Variants in PADI2 observed in about 807,000 individuals in gnomAD.
PADI2 encodes the protein protein-arginine deiminase type-2.
Under a neutral mutation model 81.1 loss-of-function variants are expected in PADI2, and 70 were observed. The observed-to-expected ratio is 0.86, with a 90% CI of 0.71 to 1.05. The LOEUF (loss-of-function observed/expected upper bound fraction) is 1.05. Ranked by LOEUF, PADI2 falls within the 50% of genes least tolerant of loss-of-function variation. The probability of loss-of-function intolerance (pLI) is 0.00; values close to 1 mark genes in which losing one functional copy is unlikely to be tolerated. For synonymous variants in PADI2, 338 were observed against 358.0 expected, an observed-to-expected ratio of 0.94 and a Z score of 0.63; for missense variants, 853 against 889.9, an observed-to-expected ratio of 0.96 and a Z score of 0.53.
intron 7 of PADI2, 143 bp from the exon 8 acceptor site, chr1:17,084,845 C>G: frequency 1.7e-6 from 1 of 584,376 alleles, no homozygotes; most frequent in Non-Finnish European, 3.1e-6. Flanking sequence ...TAAGTACTTT[C>G]ACATGTGCCA....
At chr1:17,076,540 G>T (rs919251571) in intron 11 of PADI2, among the ~76,000 whole-genome samples, 1 of 151,836 alleles carries the variant, frequency 6.6e-6, no homozygotes, top group Non-Finnish European at 1.5e-5. Context: ...CAGTTCAAGA[G>T]AAACCTCCTC....
intron 1 of PADI2, among the ~76,000 whole-genome samples, chr1:17,111,713 G>A (rs958791827): frequency 6.6e-6 from 1 of 152,208 alleles, no homozygotes; most frequent in African/African-American, 2.4e-5. Context: ...TGTGGGGTGG[G>A]ACCTGAGAAA....
intron 11 of PADI2, among the ~76,000 whole-genome samples, chr1:17,076,434 T>C (rs988288790): frequency 6.6e-5 from 10 of 152,176 alleles, no homozygotes; most frequent in African/African-American, 2.4e-4. Context: ...AAGCTGGTCT[T>C]GAACTCCTGA....
rs998362703 is a variant in PADI2, at chr1:17,091,410, C to T, written c.655+998G>A. The stretch of plus-strand genomic sequence containing the variant: ...TAAAACACATACATCATTATTATGA[C>T]AGTCCCTTGCATAAAACCCTCTAAT... On this transcript the variant is annotated intron_variant, in intron 6 of 15. Transcript: ENST00000375486. 2.6e-5 allele frequency among the ~76,000 whole-genome samples: 4 copies of T among 151,850 alleles called. No individual in the cohort carries two copies. The South Asian group carries it at 8.3e-4, about 32-fold the overall frequency.
At chr1:17,078,400 C>T (rs894665461) in intron 11 of PADI2, among the ~76,000 whole-genome samples, 2 of 151,066 alleles carry the variant, frequency 1.3e-5, no homozygotes, top group African/African-American at 2.4e-5. Flanking sequence ...CGTGAGCCAC[C>T]GCACCAGGCC....
At chr1:17,102,880 A>G (rs1569578869) in intron 3 of PADI2, 107 bp downstream of exon 3, 1 of 778,154 alleles carries the variant, frequency 1.3e-6, no homozygotes. Flanking sequence ...AAGAAGCTCC[A>G]AGTGCCAGGT....
Position 17,088,134 on chromosome 1 carries a change from G to T in PADI2, c.656-1435C>A, listed in dbSNP as rs142160434. On this transcript the variant is annotated intron_variant, in intron 6 of 15. Coordinates refer to ENST00000375486, the MANE Select transcript of PADI2 (RefSeq NM_007365.3). The stretch of plus-strand genomic sequence containing the variant: ...GATCCAGTCTGGTTACTTGGGGTAG[G>T]GTGGGGAGGGCAGAAGAGGCACGGT... Among the ~76,000 whole-genome samples, 470 of 152,324 alleles carry T rather than the reference G, an allele frequency of 3.1e-3. 2 individuals carry two copies. The highest frequency in any genetic ancestry group is 0.011 in the African/African-American group (450 of 41,560).
At chr1:17,081,666 C>G (rs993856966) in intron 10 of PADI2, among the ~76,000 whole-genome samples, 2 of 152,240 alleles carry the variant, frequency 1.3e-5, no homozygotes, top group African/African-American at 4.8e-5. Context: ...CTCCCCCAGC[C>G]TGTTCAGGGC....
chr1:17,104,777 A>T, intron 2 of PADI2, 101 bp downstream of exon 2: 2 of 1,030,480 alleles, frequency 1.9e-6, no homozygotes, highest in African/African-American at 1.6e-5. Flanking sequence ...TGAAAATGAC[A>T]CATGGCCCAC....
At position 17,078,669 on chromosome 1, in the gene PADI2, T is replaced by C. The variant is rs1337493629; in HGVS notation, c.1310+595A>G. ...TCCCAAAGTGCTGGGACTATAGGCA[T>C]GGGCCACTGTGCCCAGCCTATTTAT... On this transcript the variant is annotated intron_variant, in intron 11 of 15. Transcript: ENST00000375486. 1.3e-5 allele frequency among the ~76,000 whole-genome samples: 2 copies of C among 151,998 alleles called. 1 individual carries two copies. The highest frequency in any genetic ancestry group is 2.9e-5 in the Non-Finnish European group (2 of 67,978).
At chr1:17,105,817 G>C (rs1426476267) in intron 1 of PADI2, among the ~76,000 whole-genome samples, 1 of 152,206 alleles carries the variant, frequency 6.6e-6, no homozygotes. Context: ...GAGGACATCT[G>C]TTGAACATGA....
At chr1:17,076,218 T>A (rs1004735091) in intron 11 of PADI2, among the ~76,000 whole-genome samples, 2 of 149,382 alleles carry the variant, frequency 1.3e-5, no homozygotes, top group African/African-American at 4.9e-5. Context: ...TACTTTAATC[T>A]TTTTTTTTTC....
Position 17,115,929 on chromosome 1 carries a change from G to A in PADI2, c.92+3351C>T, listed in dbSNP as rs1248989606. ...GAGACTAGCAGTCAGAATGAGGCTA[G>A]GTCAAGGCATCCATCCCCAGGGGGG... On this transcript the variant is annotated intron_variant, in intron 1 of 15. Transcript: ENST00000375486. The surrounding 1 kb of genome is among the most constrained non-coding windows in gnomAD (Gnocchi z 4.1). Among the ~76,000 whole-genome samples, 2 of 152,220 alleles carry A rather than the reference G, an allele frequency of 1.3e-5. No homozygotes were observed. Among genetic ancestry groups the A allele is most frequent in the African/African-American group, 4.8e-5 (2 of 41,450 alleles).
At chr1:17,089,981 G>A (rs768941690) in intron 6 of PADI2, among the ~76,000 whole-genome samples, 1 of 152,210 alleles carries the variant, frequency 6.6e-6, no homozygotes, top group East Asian at 1.9e-4. Context: ...TTCCTGGCAT[G>A]AGGAGCCCTC....
rs1557761629 is a variant in PADI2, at chr1:17,082,618, T to C, written c.1085A>G (p.His362Arg). 3 of 1,611,242 alleles carry C rather than the reference T, an allele frequency of 1.9e-6. No individual in the cohort carries two copies. The highest frequency in any genetic ancestry group is 3.4e-5 in the Admixed American group (2 of 59,144). ...EIEFGYIEAPHKGFPVVLDSP... is the reference protein window; with the variant it reads ...EIEFGYIEAPRKGFPVVLDSP... ...GTCCAGCACCACGGGGAAGCCTTTA[T>C]GGGGGGCCTCGATGTAGCCAAACTC... The change falls in exon 10 of 16, where the codon CAT becomes CGT. Residue 362 changes from histidine to arginine, a missense_variant. Physicochemically the swap from His to Arg is conservative, Grantham distance 29 (BLOSUM62 0). Transcript: ENST00000375486.
intron 1 of PADI2, among the ~76,000 whole-genome samples, chr1:17,105,296 G>A (rs1407065532): frequency 6.6e-6 from 1 of 152,056 alleles, no homozygotes; most frequent in Non-Finnish European, 1.5e-5. Flanking sequence ...AGACTGAGGT[G>A]GGAGAATTGC....
chr1:17,075,993 T>C (rs2078299779), intron 11 of PADI2, among the ~76,000 whole-genome samples, 170 bp from the exon 12 acceptor site: 1 of 152,056 alleles, frequency 6.6e-6, no homozygotes, highest in Admixed American at 6.5e-5. Context: ...AGTAAGGCGT[T>C]TGAGTCCCAG....
intron 2 of PADI2, 62 bp downstream of exon 2, chr1:17,104,816 C>T (rs900052131): frequency 2.1e-6 from 3 of 1,396,722 alleles, no homozygotes; most frequent in Admixed American, 2.1e-5. Flanking sequence ...AGGGCTGGTC[C>T]ACCCTGCCTC....
At chr1:17,096,632 T>G (rs1478351605) in intron 3 of PADI2, among the ~76,000 whole-genome samples, 2 of 152,212 alleles carry the variant, frequency 1.3e-5, no homozygotes, top group Non-Finnish European at 2.9e-5. Context: ...ATCCCTTCTC[T>G]TGGTGAAGGG....
Sources: allele counts gnomAD v4.1 joint callset (sites outside exome capture counted in the v4.1 genomes callset), GRCh38; gene constraint gnomAD v4.1.1; non-coding constraint Gnocchi (gnomAD v3.1); transcripts MANE v1.5; gene names NCBI Gene and HGNC (gene_info 2026-07-23, HGNC 2026-07-21).